The following SHISAL1 variants were observed in gnomAD, a reference collection of about 807,000 sequenced individuals.
SHISAL1 encodes protein shisa-like-1.
A neutral mutation model predicts 22.6 loss-of-function variants in SHISAL1; 9 were observed. The observed-to-expected ratio is 0.40, with a 90% CI of 0.24 to 0.70. The LOEUF is 0.70. Ranked by LOEUF, SHISAL1 falls within the 30% of genes least tolerant of loss-of-function variation. The pLI, the probability that SHISAL1 is intolerant of heterozygous loss-of-function variation, is 0.39. For synonymous variants in SHISAL1, 119 were observed against 115.4 expected, an observed-to-expected ratio of 1.03 and a Z score of -0.20; for missense variants, 246 against 270.6, an observed-to-expected ratio of 0.91 and a Z score of 0.64.
At chr22:44,322,214 G>A in the SHISAL1 span, among the ~76,000 whole-genome samples, 2 of 152,226 alleles carry the variant, frequency 1.3e-5, no homozygotes, top group African/African-American at 2.4e-5. Context: ...AAAGTTATGA[G>A]AATTAAACAA....
the SHISAL1 span, among the ~76,000 whole-genome samples, chr22:44,326,223 C>T: frequency 2.0e-5 from 3 of 152,158 alleles, no homozygotes; most frequent in East Asian, 1.9e-4. Flanking sequence ...AGGAAATTCT[C>T]GCGCTGGATT....
the SHISAL1 span, among the ~76,000 whole-genome samples, chr22:44,328,325 A>G: frequency 1.3e-5 from 2 of 152,094 alleles, no homozygotes; most frequent in Non-Finnish European, 2.9e-5. Flanking sequence ...CAGTTTTCTC[A>G]TCTATACAAC....
At chr22:44,293,945 G>T (rs780426511) in intron 3 of SHISAL1, among the ~76,000 whole-genome samples, 2 of 152,216 alleles carry the variant, frequency 1.3e-5, no homozygotes, top group Non-Finnish European at 2.9e-5. Flanking sequence ...GGAGTGTTCC[G>T]TGTGAAATCC....
chr22:44,319,257 G>A, the SHISAL1 span, among the ~76,000 whole-genome samples: 3 of 152,270 alleles, frequency 2.0e-5, no homozygotes, highest in African/African-American at 4.8e-5. Context: ...CCCAAAAGGA[G>A]GGGCTACTGC....
At position 44,249,467 on chromosome 22, in the gene SHISAL1, A is replaced by C. The variant is rs1404118466; in HGVS notation, c.*218T>G. The C allele has an allele frequency of 2.0e-6, 1 of 512,602 alleles. No homozygotes were observed. Among genetic ancestry groups the C allele is most frequent in the Non-Finnish European group, 3.5e-6 (1 of 282,780 alleles). The allele number at this position is 512,602 out of a possible 1,614,324, so 31.8% of individuals were successfully genotyped here. A position where few individuals can be genotyped will look rare whatever the true frequency, so the allele number is the denominator to read the frequency against. On this transcript the variant is annotated 3_prime_UTR_variant, in exon 5 of 5. Coordinates refer to ENST00000381176, the MANE Select transcript of SHISAL1 (RefSeq NM_001099294.2). ...ACTATTGCTTGCGGACAGGTGGCTC[A>C]GAATCCCCTCCCCTGCACCCCCAGC... is the stretch of plus-strand genomic sequence containing the variant.
upstream of SHISAL1, among the ~76,000 whole-genome samples, chr22:44,317,358 G>A (rs996241455): frequency 6.6e-6 from 1 of 152,352 alleles, no homozygotes; most frequent in Middle Eastern, 3.4e-3. Context: ...CCGCGCCCAG[G>A]AGGACTCCCT....
At chr22:44,284,129 T>C (rs549537161) in intron 4 of SHISAL1, among the ~76,000 whole-genome samples, 14 of 152,274 alleles carry the variant, frequency 9.2e-5, no homozygotes, top group African/African-American at 3.4e-4. Flanking sequence ...ATTCAATCGA[T>C]AAGCACAAGC....
In SHISAL1 at chr22:44,247,862, G is replaced by A. The variant is rs1297808547; in HGVS notation, c.*1823C>T. ...TCATCTCCTTCTGCCTTCCCTCTGG[G>A]TCCCCAGCCACCTGGCTTTCTTGTG... On this transcript the variant is annotated 3_prime_UTR_variant, in exon 5 of 5. Coordinates refer to ENST00000381176, the MANE Select transcript of SHISAL1 (RefSeq NM_001099294.2). 1.5e-5 allele frequency: 2 copies of A among 135,280 alleles called. No individual in the cohort carries two copies. Among genetic ancestry groups the A allele is most frequent in the Non-Finnish European group, 3.0e-5 (2 of 65,638 alleles). 8.4% of individuals were successfully genotyped at this position (135,280 alleles called of 1,614,324 possible).
rs529229241 is a variant in SHISAL1, at chr22:44,256,887, A to C, written c.*-7202T>G. Among the ~76,000 whole-genome samples, 4 of 152,360 alleles carry C rather than the reference A, an allele frequency of 2.6e-5. No individual in the cohort carries two copies. In the South Asian group the frequency reaches 8.3e-4, roughly 32 times the overall value. ...AGAGAAATTACCCAAAGGATCTGGG[A>C]AGGTAGAATCTAAACAGACCAATTG... On this transcript the variant is annotated intron_variant, in intron 4 of 4. Coordinates refer to ENST00000381176, the MANE Select transcript of SHISAL1 (RefSeq NM_001099294.2).
Position 44,246,534 on chromosome 22 carries a change from A to G in SHISAL1, c.*3151T>C, listed in dbSNP as rs1296688004. 1 of 152,270 alleles carries G rather than the reference A, an allele frequency of 6.6e-6. No homozygotes were observed. Among genetic ancestry groups the G allele is most frequent in the Non-Finnish European group, 1.5e-5 (1 of 68,112 alleles). 9.4% of individuals were successfully genotyped at this position (152,270 alleles called of 1,614,324 possible). On this transcript the variant is annotated 3_prime_UTR_variant, in exon 5 of 5. Transcript: ENST00000381176. Reference sequence around the variant, plus strand: ...CTGCATCCATCTTGTTCTCAGGGACAGTCTACTCCTTGAGGGACCTTCCAG... The same window carrying G: ...CTGCATCCATCTTGTTCTCAGGGACGGTCTACTCCTTGAGGGACCTTCCAG...
Position 44,249,441 on chromosome 22 carries a change from G to C in SHISAL1, c.*244C>G, listed in dbSNP as rs1237520519. ...CTCAGAAGCCACCAGCCCAAAATAG[G>C]ACTATTGCTTGCGGACAGGTGGCTC... On this transcript the variant is annotated 3_prime_UTR_variant, in exon 5 of 5. Transcript: ENST00000381176. 2.1e-6 allele frequency: 1 copy of C among 484,420 alleles called. No homozygotes were observed. Among genetic ancestry groups the C allele is most frequent in the African/African-American group, 2.0e-5 (1 of 50,236 alleles). 30.0% of individuals were successfully genotyped at this position (484,420 alleles called of 1,614,324 possible).
In SHISAL1 at chr22:44,293,648, C is replaced by T. The variant is rs551933957; in HGVS notation, c.281+3024G>A. Among the ~76,000 whole-genome samples, 27 of 152,264 alleles carry T rather than the reference C, an allele frequency of 1.8e-4. 1 individual carries two copies. The highest frequency in any genetic ancestry group is 1.2e-3 in the Admixed American group (18 of 15,310). ...TCTGGGTTGGCTGCTGGCTCCACCA[C>T]GAACCGTTGCCTTCCTCAGGCAAGT... On this transcript the variant is annotated intron_variant, in intron 3 of 4. Coordinates refer to ENST00000381176, the MANE Select transcript of SHISAL1 (RefSeq NM_001099294.2).
chr22:44,274,554 T>TA (rs761766886), intron 4 of SHISAL1, among the ~76,000 whole-genome samples: 5 of 151,988 alleles, frequency 3.3e-5, no homozygotes, highest in Non-Finnish European at 7.4e-5. Context: ...ATCGTATTAA[T>TA]AAAAAAAATT....
chr22:44,244,495 A>C lies in SHISAL1; in HGVS notation c.*5190T>G, dbSNP rs146814193. On this transcript the variant is annotated 3_prime_UTR_variant, in exon 5 of 5. Transcript: ENST00000381176. Reference sequence around the variant, plus strand: ...GCTTTGATGTAAAGATAGGAGTTTTAGGTACAGAGTAACTAACAGTCAAAT... The same window carrying C: ...GCTTTGATGTAAAGATAGGAGTTTTCGGTACAGAGTAACTAACAGTCAAAT... 2.0e-5 allele frequency: 3 copies of C among 152,330 alleles called. No homozygotes were observed. The highest frequency in any genetic ancestry group is 7.2e-5 in the African/African-American group (3 of 41,568). 9.4% of individuals were successfully genotyped at this position (152,330 alleles called of 1,614,324 possible). A position where few individuals can be genotyped will look rare whatever the true frequency, so the allele number is the denominator to read the frequency against.
the SHISAL1 span, among the ~76,000 whole-genome samples, chr22:44,323,492 G>T: frequency 1.2e-4 from 8 of 68,820 alleles, no homozygotes; most frequent in Non-Finnish European, 2.2e-4. Flanking sequence ...ATCCATCCAT[G>T]CATCCATCCA....
upstream of SHISAL1, among the ~76,000 whole-genome samples, chr22:44,316,716 G>A (rs570179854): frequency 1.2e-4 from 19 of 152,262 alleles, no homozygotes; most frequent in South Asian, 3.9e-3. Context: ...GCAGGCTCTC[G>A]CGCCACCCTT....
rs1415053075 is a variant in SHISAL1 at position 44,263,225 on chromosome 22, C to G, written c.*-13540G>C. ...AGTTAGGATTACAGGCACCCACCACCACGCCCAGTTAGTTCTTGTATTTTT... is the reference window on the plus strand; with the variant it reads ...AGTTAGGATTACAGGCACCCACCACGACGCCCAGTTAGTTCTTGTATTTTT... On this transcript the variant is annotated intron_variant, in intron 4 of 4. Transcript: ENST00000381176. Among the ~76,000 whole-genome samples, 4 of 151,920 alleles carry G rather than the reference C, an allele frequency of 2.6e-5. No homozygotes were observed. The South Asian group carries it at 6.2e-4, about 24-fold the overall frequency.
chr22:44,282,003 T>C (rs998616419), intron 4 of SHISAL1, among the ~76,000 whole-genome samples: 2 of 152,150 alleles, frequency 1.3e-5, no homozygotes, highest in Non-Finnish European at 1.5e-5. Flanking sequence ...TTTCTTATGA[T>C]TGATGGAGTG....
intron 2 of SHISAL1, among the ~76,000 whole-genome samples, chr22:44,298,943 CGGGA>C (rs1487174535): frequency 6.6e-6 from 1 of 152,194 alleles, no homozygotes; most frequent in South Asian, 2.1e-4. Flanking sequence ...GGCTGGGAGC[CGGGA>C]CAACCGGGTG....
Sources: gnomAD v4.1 joint callset for allele counts (sites outside exome capture counted in the v4.1 genomes callset) on GRCh38, gnomAD v4.1.1 for gene constraint, MANE v1.5 for transcripts, NCBI Gene and HGNC (gene_info 2026-07-23, HGNC 2026-07-21) for gene names.